The following DSCAM variants were observed in gnomAD, a reference collection of about 807,000 sequenced individuals.
DSCAM encodes the protein cell adhesion molecule DSCAM.
A neutral mutation model predicts 217.7 loss-of-function variants in DSCAM; 47 were observed. That is an observed-to-expected ratio of 0.22 (90% CI 0.17 to 0.28). The LOEUF is 0.28. DSCAM is among the 10% of genes least tolerant of loss of function. The pLI, the probability that DSCAM is intolerant of heterozygous loss-of-function variation, is 1.00. For synonymous variants in DSCAM, 1,056 were observed against 1,015.3 expected (o/e 1.04, Z -0.76); for missense variants, 2,080 against 2,618.3 (o/e 0.79, Z 4.49).
chr21:40,174,691 G>C (rs1276188871), intron 15 of DSCAM, among the ~76,000 whole-genome samples: 1 of 152,170 alleles, frequency 6.6e-6, no homozygotes, highest in Non-Finnish European at 1.5e-5. Flanking sequence ...GCCACTCCAT[G>C]CTTAACTCCA....
chr21:40,586,896 C>A (rs1483365766), intron 3 of DSCAM, among the ~76,000 whole-genome samples: 1 of 152,096 alleles, frequency 6.6e-6, no homozygotes, highest in Admixed American at 6.5e-5. Context: ...TAAGTGGTAG[C>A]AAATATGAAC....
chr21:40,828,916 C>T (rs2091991303), intron 1 of DSCAM, among the ~76,000 whole-genome samples: 4 of 152,204 alleles, frequency 2.6e-5, no homozygotes, highest in Admixed American at 2.6e-4. Flanking sequence ...CCTCGGCCTC[C>T]TGAAGTGCTG....
At chr21:40,814,162 T>C (rs774656994) in intron 1 of DSCAM, among the ~76,000 whole-genome samples, 53 of 152,338 alleles carry the variant, frequency 3.5e-4, no homozygotes, top group Non-Finnish European at 7.3e-4. Context: ...TGGAGCATAC[T>C]AAACAACAGC....
At chr21:40,217,726 T>C (rs1200456859) in intron 11 of DSCAM, among the ~76,000 whole-genome samples, 1 of 152,348 alleles carries the variant, frequency 6.6e-6, no homozygotes, top group African/African-American at 2.4e-5. Flanking sequence ...TGAGATGATA[T>C]CTCATTGTGG....
At position 40,418,494 on chromosome 21, in the gene DSCAM, T is replaced by C. The variant is rs541608899; in HGVS notation, c.509-49249A>G. On this transcript the variant is annotated intron_variant, in intron 3 of 32. Coordinates refer to ENST00000400454, the MANE Select transcript of DSCAM (RefSeq NM_001389.5). The stretch of plus-strand genomic sequence containing the variant: ...TATTCCAAGGAGGGTGTTTAGGTTA[T>C]GTGAGGTGAAGATTATGGCCACAAG... Among the ~76,000 whole-genome samples, 19 of 152,318 alleles carry C rather than the reference T, an allele frequency of 1.2e-4. No individual in the cohort carries two copies. In the East Asian group the frequency reaches 2.1e-3, roughly 17 times the overall value.
chr21:40,778,814 C>T (rs192564990), intron 1 of DSCAM, among the ~76,000 whole-genome samples: 3 of 151,964 alleles, frequency 2.0e-5, no homozygotes, highest in Admixed American at 2.0e-4. Flanking sequence ...CATCTGAGGT[C>T]GGGGGTTTGA....
In DSCAM at chr21:40,161,597, A is replaced by G. The variant is rs1030241958; in HGVS notation, c.3018+5621T>C. ...TCTAGTCCACCTAAAAAAGTTGAGA[A>G]AGAACAATCTTACTTTATACGGATG... is the stretch of plus-strand genomic sequence containing the variant. On this transcript the variant is annotated intron_variant, in intron 16 of 32. Coordinates refer to ENST00000400454, the MANE Select transcript of DSCAM (RefSeq NM_001389.5). 5.3e-5 allele frequency among the ~76,000 whole-genome samples: 8 copies of G among 152,342 alleles called. No individual in the cohort carries two copies. In the East Asian group the frequency reaches 1.3e-3, roughly 26 times the overall value.
intron 3 of DSCAM, among the ~76,000 whole-genome samples, chr21:40,513,689 C>T (rs1332575270): frequency 6.6e-6 from 1 of 152,086 alleles, no homozygotes; most frequent in Non-Finnish European, 1.5e-5. Context: ...TCCCCATGAC[C>T]CAAACACCTT....
intron 1 of DSCAM, among the ~76,000 whole-genome samples, chr21:40,819,999 G>C (rs997481213): frequency 1.6e-4 from 25 of 152,186 alleles, no homozygotes; most frequent in African/African-American, 5.8e-4. Flanking sequence ...GAAAAATAAT[G>C]TGTGTAGGGA....
At chr21:40,596,270 T>A in intron 3 of DSCAM, among the ~76,000 whole-genome samples, 1 of 152,192 alleles carries the variant, frequency 6.6e-6, no homozygotes, top group South Asian at 2.1e-4. Context: ...GGTACCACTC[T>A]CCAGCTTTCT....
At chr21:40,325,949 T>C (rs889201626) in intron 8 of DSCAM, among the ~76,000 whole-genome samples, 1 of 152,162 alleles carries the variant, frequency 6.6e-6, no homozygotes, top group Non-Finnish European at 1.5e-5. Flanking sequence ...AAGATACCCA[T>C]GGTAGTATTT....
chr21:40,596,659 G>A (rs1300575426), intron 3 of DSCAM, among the ~76,000 whole-genome samples: 1 of 152,146 alleles, frequency 6.6e-6, no homozygotes. Flanking sequence ...ATGTCTTGAA[G>A]ATGACCTACC....
chr21:40,393,653 C>G (rs1206007105), intron 3 of DSCAM, among the ~76,000 whole-genome samples: 1 of 152,134 alleles, frequency 6.6e-6, no homozygotes, highest in Non-Finnish European at 1.5e-5. Flanking sequence ...AACACCAGAG[C>G]TGACCATTAT....
chr21:40,077,826 G>C (rs1194308114), intron 26 of DSCAM, among the ~76,000 whole-genome samples: 1 of 152,166 alleles, frequency 6.6e-6, no homozygotes, highest in Non-Finnish European at 1.5e-5. Flanking sequence ...GCTCTGAGGA[G>C]AGTTGCACTG....
At chr21:40,377,889 C>T (rs927623502) in intron 3 of DSCAM, among the ~76,000 whole-genome samples, 2 of 152,124 alleles carry the variant, frequency 1.3e-5, no homozygotes, top group Non-Finnish European at 2.9e-5. Context: ...ACATATACAA[C>T]CTGTACAAAG....
At chr21:40,796,014 T>G (rs186523279) in intron 1 of DSCAM, among the ~76,000 whole-genome samples, 1 of 152,370 alleles carries the variant, frequency 6.6e-6, no homozygotes, top group Non-Finnish European at 1.5e-5. Context: ...CTAAGTGTCA[T>G]GTAGGTACAA....
chr21:40,315,360 T>C (rs1215118261), intron 8 of DSCAM, among the ~76,000 whole-genome samples: 1 of 151,292 alleles, frequency 6.6e-6, no homozygotes, highest in Non-Finnish European at 1.5e-5. Flanking sequence ...GCCAAGGTCA[T>C]GTCACTGCAC....
Position 40,126,990 on chromosome 21 carries a change from T to G in DSCAM, c.3563-2662A>C, listed in dbSNP as rs542521221. Among the ~76,000 whole-genome samples the G allele has an allele frequency of 9.1e-4, 138 of 152,364 alleles. 1 individual carries two copies. The highest frequency in any genetic ancestry group is 2.4e-3 in the Admixed American group (37 of 15,300). On this transcript the variant is annotated intron_variant, in intron 19 of 32. Transcript: ENST00000400454. ...TCATAAAGCTTAAAGGTGTGGGCCCTGGAGCCTCACTGCTGGTTTCATGCG... is the reference window on the plus strand; with the variant it reads ...TCATAAAGCTTAAAGGTGTGGGCCCGGGAGCCTCACTGCTGGTTTCATGCG...
chr21:40,487,322 T>TGA lies in DSCAM; in HGVS notation c.509-118078_509-118077insTC, dbSNP rs1373428913. 7.4e-3 allele frequency among the ~76,000 whole-genome samples: 1,025 copies of TGA among 138,368 alleles called. 13 individuals are homozygous for TGA. The highest frequency in any genetic ancestry group is 0.028 in the African/African-American group (973 of 35,226). The allele number at this position is 138,368 out of a possible 152,430, so 90.8% of individuals were successfully genotyped here. On this transcript the variant is annotated intron_variant, in intron 3 of 32. Transcript: ENST00000400454. ...GTGCGTGCGTGTGTGTGTGTGTGTG[T>TGA]GTGTGAGAGAGAGAGAGAGAGAGAG...
Sources: gnomAD v4.1 joint callset for allele counts (sites outside exome capture counted in the v4.1 genomes callset) on GRCh38, gnomAD v4.1.1 for gene constraint, MANE v1.5 for transcripts, NCBI Gene and HGNC (gene_info 2026-07-23, HGNC 2026-07-21) for gene names.